The following VAT1L variants were observed in gnomAD, a reference collection of about 807,000 sequenced individuals.
The protein encoded by VAT1L is putative NADPH-dependent quinone oxidoreductase VAT1L.
Under a neutral mutation model 44.1 loss-of-function variants are expected in VAT1L, and 34 were observed. The ratio of observed to expected loss-of-function variants is 0.77; its 90% CI spans 0.59 to 1.03. The LOEUF (loss-of-function observed/expected upper bound fraction) is 1.03, where lower values mean the gene tolerates loss of function less well. VAT1L is among the 50% of genes least tolerant of loss of function. The pLI is 0.00. For synonymous variants in VAT1L, 253 were observed against 202.2 expected, an observed-to-expected ratio of 1.25 and a Z score of -2.13; for missense variants, 615 against 538.8, an observed-to-expected ratio of 1.14 and a Z score of -1.40.
At chr16:77,861,093 T>G (rs1347220858) in intron 3 of VAT1L, among the ~76,000 whole-genome samples, 1 of 152,188 alleles carries the variant, frequency 6.6e-6, no homozygotes, top group Non-Finnish European at 1.5e-5. Context: ...CATTCTGTGA[T>G]TCTCTCAGTG....
intron 7 of VAT1L, among the ~76,000 whole-genome samples, chr16:77,936,105 G>C (rs765986622): frequency 2.0e-5 from 3 of 152,100 alleles, no homozygotes; most frequent in Non-Finnish European, 4.4e-5. Context: ...GGAGACTATC[G>C]CACCACTGAC....
chr16:77,948,195 A>G (rs1405272937), intron 7 of VAT1L, among the ~76,000 whole-genome samples: 3 of 152,208 alleles, frequency 2.0e-5, no homozygotes, highest in Non-Finnish European at 2.9e-5. Context: ...GACTGTCTCC[A>G]TGGCCACCTT....
intron 7 of VAT1L, among the ~76,000 whole-genome samples, chr16:77,953,551 G>GT (rs1030662258): frequency 2.0e-5 from 3 of 151,876 alleles, no homozygotes; most frequent in Non-Finnish European, 1.5e-5. Flanking sequence ...GTTTTATTTT[G>GT]TTTTTTTGAT....
chr16:77,876,917 C>T (rs539647425), intron 5 of VAT1L, among the ~76,000 whole-genome samples: 2 of 152,172 alleles, frequency 1.3e-5, no homozygotes, highest in Non-Finnish European at 2.9e-5. Flanking sequence ...CACTCTGCTT[C>T]CCCTAAACTA....
chr16:77,872,355 C>G (rs193239010), intron 4 of VAT1L, among the ~76,000 whole-genome samples: 3 of 152,282 alleles, frequency 2.0e-5, no homozygotes, highest in African/African-American at 7.2e-5. Flanking sequence ...AAAGCCTTCT[C>G]ACTGTCCTAG....
chr16:77,970,234 C>G (rs2018264832), intron 7 of VAT1L, among the ~76,000 whole-genome samples: 2 of 151,870 alleles, frequency 1.3e-5, no homozygotes, highest in Non-Finnish European at 2.9e-5. Context: ...AGACCCTGTC[C>G]CCCCAAAAAT....
At chr16:77,807,616 C>G (rs1408631598) in intron 1 of VAT1L, among the ~76,000 whole-genome samples, 1 of 152,154 alleles carries the variant, frequency 6.6e-6, no homozygotes, top group Non-Finnish European at 1.5e-5. Flanking sequence ...AAATCTCAGT[C>G]TCGGAGTCTG....
intron 4 of VAT1L, among the ~76,000 whole-genome samples, chr16:77,869,153 G>A (rs1051706067): frequency 2.6e-5 from 4 of 152,120 alleles, no homozygotes; most frequent in African/African-American, 9.7e-5. Context: ...GGAAGGGAGA[G>A]GCAGTGCCTA....
chr16:77,892,530 G>A (rs141519270), intron 7 of VAT1L: 71 of 571,814 alleles, frequency 1.2e-4, no homozygotes, highest in South Asian at 8.8e-4. Flanking sequence ...GAAAAATTTC[G>A]TGCTCTAAGC....
At chr16:77,887,629 G>T (rs1284651251) in intron 7 of VAT1L, among the ~76,000 whole-genome samples, 1 of 152,132 alleles carries the variant, frequency 6.6e-6, no homozygotes, top group Non-Finnish European at 1.5e-5. Context: ...CTGGCTCAAA[G>T]ACTGAGTCCA....
At chr16:77,890,978 T>C (rs1182562247) in intron 7 of VAT1L, among the ~76,000 whole-genome samples, 1 of 151,284 alleles carries the variant, frequency 6.6e-6, no homozygotes, top group Non-Finnish European at 1.5e-5. Flanking sequence ...TATAAAAGTC[T>C]ATGGCTACAC....
chr16:77,972,025 C>A, intron 8 of VAT1L, 92 bp downstream of exon 8: 1 of 1,270,854 alleles, frequency 7.9e-7, no homozygotes, highest in Non-Finnish European at 1.1e-6. Context: ...GAAGGAAGTA[C>A]AGGTAGCCTG....
chr16:77,870,299 T>A (rs986090758), intron 4 of VAT1L, among the ~76,000 whole-genome samples: 6 of 152,270 alleles, frequency 3.9e-5, no homozygotes, highest in African/African-American at 1.4e-4. Context: ...CACTCGGAAA[T>A]AGTCTCATCC....
chr16:77,801,954 T>C (rs966019536), intron 1 of VAT1L, among the ~76,000 whole-genome samples: 3 of 152,168 alleles, frequency 2.0e-5, no homozygotes, highest in African/African-American at 7.2e-5. Flanking sequence ...GAATCGACGA[T>C]GCATGACGCA....
intron 3 of VAT1L, among the ~76,000 whole-genome samples, chr16:77,853,860 G>A (rs1335216098): frequency 2.0e-5 from 3 of 152,030 alleles, no homozygotes; most frequent in Non-Finnish European, 4.4e-5. Context: ...AAAAAATGAG[G>A]CCGGGCGCCG....
At chr16:77,882,448 A>G (rs1190410095) in intron 6 of VAT1L, 1 of 152,250 alleles carries the variant, frequency 6.6e-6, no homozygotes, top group African/African-American at 2.4e-5. Context: ...TCAAATTAAG[A>G]TAATAAAAGT....
chr16:77,828,999 G>A (rs207476192), intron 3 of VAT1L, among the ~76,000 whole-genome samples: 1 of 152,126 alleles, frequency 6.6e-6, no homozygotes, highest in African/African-American at 2.4e-5. Flanking sequence ...ACTTTCCTGG[G>A]GCTGCCTCTC....
intron 3 of VAT1L, among the ~76,000 whole-genome samples, chr16:77,825,858 TA>T (rs10657560): frequency 0.015 from 2,144 of 139,002 alleles, 50 homozygotes; most frequent in African/African-American, 0.054. Flanking sequence ...CTACTAAAAA[TA>T]AAAAAAAAAA....
intron 3 of VAT1L, among the ~76,000 whole-genome samples, chr16:77,838,865 C>T (rs2016669901): frequency 1.3e-5 from 2 of 151,242 alleles, no homozygotes; most frequent in Admixed American, 1.3e-4. Context: ...TCTTTCTCCC[C>T]TTTATTCTTT....
Sources: gnomAD v4.1 joint callset for allele counts (sites outside exome capture counted in the v4.1 genomes callset) on GRCh38, gnomAD v4.1.1 for gene constraint, MANE v1.5 for transcripts, NCBI Gene and HGNC (gene_info 2026-07-23, HGNC 2026-07-21) for gene names.